The following WRNIP1 variants were observed in gnomAD, a reference collection of about 807,000 sequenced individuals.
WRNIP1 encodes the protein WRN helicase interacting protein 1, also known as ATPase WRNIP1.
Under a neutral mutation model 56.1 loss-of-function variants are expected in WRNIP1, and 41 were observed. The observed-to-expected ratio is 0.73, with a 90% CI of 0.57 to 0.95. WRNIP1 has a LOEUF of 0.95. WRNIP1 is among the 40% of genes least tolerant of loss of function. WRNIP1 has a pLI of 0.00. For missense variants in WRNIP1, 1,170 were observed against 939.4 expected, an observed-to-expected ratio of 1.25 and a Z score of -3.21; for synonymous variants, 547 against 398.1, an observed-to-expected ratio of 1.37 and a Z score of -4.45.
At position 2,765,574 on chromosome 6, in the gene WRNIP1, G is replaced by C; in HGVS notation, c.-49G>C. On this transcript the variant is annotated 5_prime_UTR_variant, in exon 1 of 7. Coordinates refer to ENST00000380773, the MANE Select transcript of WRNIP1 (RefSeq NM_020135.3). ...GAGGGCATCGAAGGCCTCCGCGTGC[G>C]CACGGGTTGCTGCGGCCGCGCCGGG... The C allele has an allele frequency of 1.4e-6, 2 of 1,420,794 alleles. No individual in the cohort carries two copies. Among genetic ancestry groups the C allele is most frequent in the Admixed American group, 5.9e-5 (2 of 34,138 alleles). 88.0% of individuals were successfully genotyped at this position (1,420,794 alleles called of 1,614,324 possible).
rs1307486303 is a variant in WRNIP1, at chr6:2,766,138, C to A, written c.516C>A (p.Gly172=). 1 of 1,240,422 alleles carries A rather than the reference C, an allele frequency of 8.1e-7. No individual in the cohort carries two copies. Among genetic ancestry groups the A allele is most frequent in the Non-Finnish European group, 1.0e-6 (1 of 970,664 alleles). 76.8% of individuals were successfully genotyped at this position (1,240,422 alleles called of 1,614,324 possible). Residue 172 remains glycine (G), a synonymous_variant, in exon 1 of 7, where the codon GGC becomes GGA. Coordinates refer to ENST00000380773, the MANE Select transcript of WRNIP1 (RefSeq NM_020135.3). The part of the protein sequence containing the change: ...AQEEEEAVGD[G]DGDGDADADG... ...AGGAGGAGGAGGCCGTGGGCGACGGCGATGGCGACGGGGACGCGGACGCGG... is the reference window on the plus strand; with the variant it reads ...AGGAGGAGGAGGCCGTGGGCGACGGAGATGGCGACGGGGACGCGGACGCGG...
chr6:2,765,541 G>T lies in WRNIP1; in HGVS notation c.-82G>T, dbSNP rs1487004507. On this transcript the variant is annotated 5_prime_UTR_variant, in exon 1 of 7. Coordinates refer to ENST00000380773, the MANE Select transcript of WRNIP1 (RefSeq NM_020135.3). ...CCGAGCGAGGGTCTCGCGGCGCGGG[G>T]CCTAGCGGAGGGCATCGAAGGCCTC... 1.9e-5 allele frequency: 26 copies of T among 1,349,156 alleles called. No individual in the cohort carries two copies. Among genetic ancestry groups the T allele is most frequent in the Non-Finnish European group, 9.4e-7 (1 of 1,058,320 alleles). The allele number at this position is 1,349,156 out of a possible 1,614,324, so 83.6% of individuals were successfully genotyped here.
At chr6:2,766,955 GTTTA>G (rs1370010354) in intron 1 of WRNIP1, among the ~76,000 whole-genome samples, 1 of 152,106 alleles carries the variant, frequency 6.6e-6, no homozygotes, top group Non-Finnish European at 1.5e-5. Context: ...TTAAGAATAA[GTTTA>G]TTTAACATTC....
At chr6:2,769,040 C>T (rs531934930) in intron 2 of WRNIP1, among the ~76,000 whole-genome samples, 158 bp downstream of exon 2, 1 of 152,150 alleles carries the variant, frequency 6.6e-6, no homozygotes, top group Non-Finnish European at 1.5e-5. Flanking sequence ...CCATACATTT[C>T]TTAGTGTTTT....
intron 4 of WRNIP1, among the ~76,000 whole-genome samples, chr6:2,781,061 C>T (rs1183901846): frequency 2.0e-5 from 3 of 152,222 alleles, no homozygotes; most frequent in Non-Finnish European, 4.4e-5. Context: ...CTGTCCTTCC[C>T]CCCGTCCGCA....
intron 1 of WRNIP1, among the ~76,000 whole-genome samples, chr6:2,768,016 T>C (rs900259641): frequency 1.3e-5 from 2 of 152,238 alleles, no homozygotes; most frequent in Non-Finnish European, 2.9e-5. Context: ...CATCCTTTAG[T>C]ACTAATAACA....
In WRNIP1 at chr6:2,779,420, A is replaced by G. The variant is rs1182152203; in HGVS notation, c.1414A>G (p.Ser472Gly). The change falls in exon 4 of 7, where the codon AGT (serine) becomes GGT (glycine). Residue 472 changes from serine to glycine, a missense_variant. Transcript: ENST00000380773. ...GAAGAGTGGGCAATCCTATTCTCCC[A>G]GTAGAGTTCTGATCACAGAGAATGA... ...CKKSGQSYSP[S>G]RVLITENDVK... is the part of the protein sequence containing the mutation. 7 of 1,614,072 alleles carry G rather than the reference A, an allele frequency of 4.3e-6. No homozygotes were observed. In the African/African-American group the frequency reaches 6.7e-5, roughly 15 times the overall value.
chr6:2,783,359 C>T (rs201199560), intron 4 of WRNIP1, 47 bp from the exon 5 acceptor site: 105 of 1,485,332 alleles, frequency 7.1e-5, no homozygotes, highest in Admixed American at 4.0e-4. Flanking sequence ...ATGGCTTGGG[C>T]GCCCCTCCTG....
intron 3 of WRNIP1, among the ~76,000 whole-genome samples, chr6:2,777,502 G>A (rs1765459685): frequency 6.6e-6 from 1 of 152,096 alleles, no homozygotes; most frequent in Non-Finnish European, 1.5e-5. Flanking sequence ...AGAATCCATT[G>A]TTTTTACTAG....
Position 2,770,372 on chromosome 6 carries a change from A to AGT in WRNIP1, c.1256+15_1256+16dup. 1 of 1,613,962 alleles carries AGT rather than the reference A, an allele frequency of 6.2e-7. No homozygotes were observed. The highest frequency in any genetic ancestry group is 8.5e-7 in the Non-Finnish European group (1 of 1,179,936). The stretch of plus-strand genomic sequence containing the variant: ...CAACAGCAGCTCAGAGTAAGTTGAC[A>AGT]GTGTGCAGCGTCCTGGGGGCACACA... On this transcript the variant is annotated intron_variant, in intron 3 of 6. Transcript: ENST00000380773.
chr6:2,783,331 C>T, intron 4 of WRNIP1, 75 bp from the exon 5 acceptor site: 2 of 1,441,604 alleles, frequency 1.4e-6, no homozygotes, highest in South Asian at 1.5e-5. Context: ...TTCTGGAAGT[C>T]AGCTGGCGGA....
chr6:2,774,405 T>A (rs1336064034), intron 3 of WRNIP1: 1 of 443,174 alleles, frequency 2.3e-6, no homozygotes. Context: ...CAGCATCTGA[T>A]GGCCCTTGGC....
At chr6:2,767,570 C>T (rs910232709) in intron 1 of WRNIP1, among the ~76,000 whole-genome samples, 15 of 149,184 alleles carry the variant, frequency 1.0e-4, no homozygotes, top group African/African-American at 3.1e-4. Flanking sequence ...CAAATAACAT[C>T]TTATGATGAT....
chr6:2,773,534 A>G, intron 3 of WRNIP1: 3 of 985,402 alleles, frequency 3.0e-6, no homozygotes, highest in South Asian at 4.7e-5. Flanking sequence ...GTGTTCAGGT[A>G]TTTTGCTCTC....
chr6:2,784,177 A>G (rs754744615), intron 5 of WRNIP1, 147 bp from the exon 6 acceptor site: 4 of 625,216 alleles, frequency 6.4e-6, no homozygotes, highest in African/African-American at 3.7e-5. Context: ...GGGATCAGAG[A>G]CTAGAGCTAA....
intron 4 of WRNIP1, among the ~76,000 whole-genome samples, chr6:2,779,946 T>C (rs1449982343): frequency 2.6e-5 from 4 of 152,236 alleles, no homozygotes; most frequent in African/African-American, 9.6e-5. Flanking sequence ...TACTAAAAAA[T>C]AGTCATGGAT....
chr6:2,765,972 C>T lies in WRNIP1; in HGVS notation c.350C>T (p.Pro117Leu), dbSNP rs1016918489. 2 of 1,410,516 alleles carry T rather than the reference C, an allele frequency of 1.4e-6. No homozygotes were observed. Among genetic ancestry groups the T allele is most frequent in the South Asian group, 1.5e-5 (1 of 68,274 alleles). 87.4% of individuals were successfully genotyped at this position (1,410,516 alleles called of 1,614,324 possible). The change falls in exon 1 of 7, where the codon CCC (proline) becomes CTC (leucine). Residue 117 changes from proline (P) to leucine (L), a missense_variant. Pro to Leu is a moderately conservative substitution (Grantham distance 98). Coordinates refer to ENST00000380773, the MANE Select transcript of WRNIP1 (RefSeq NM_020135.3). ...SRESYDAPPT[P>L]SGARLIPDFP... ...GAGAGCTACGACGCGCCGCCCACAC[C>T]CAGCGGCGCCCGCCTTATCCCCGAC...
chr6:2,779,648 C>T (rs898768), intron 4 of WRNIP1, among the ~76,000 whole-genome samples, 156 bp downstream of exon 4: 20,937 of 152,158 alleles, frequency 0.14, 1,789 homozygotes, highest in East Asian at 0.32. Flanking sequence ...GGTATTAAGC[C>T]TTCTACACAG....
chr6:2,777,658 C>G (rs1765463968), intron 3 of WRNIP1, among the ~76,000 whole-genome samples: 1 of 152,198 alleles, frequency 6.6e-6, no homozygotes, highest in Non-Finnish European at 1.5e-5. Context: ...GCTGGTCCTT[C>G]CCCATACATT....
Sources: allele counts gnomAD v4.1 joint callset (sites outside exome capture counted in the v4.1 genomes callset), GRCh38; gene constraint gnomAD v4.1.1; transcripts MANE v1.5; gene names NCBI Gene and HGNC (gene_info 2026-07-23, HGNC 2026-07-21).